The following TMEM45A variants were observed in gnomAD, a reference collection of about 807,000 sequenced individuals.
TMEM45A encodes DNA polymerase-transactivated protein 4.
In TMEM45A, 25 loss-of-function variants were observed where a neutral mutation model predicts 32.0. The observed-to-expected ratio is 0.78, with a 90% CI of 0.57 to 1.09. TMEM45A has a LOEUF of 1.09. TMEM45A is among the 50% of genes least tolerant of loss of function. The probability of loss-of-function intolerance (pLI) is 0.00; values close to 1 mark genes in which losing one functional copy is unlikely to be tolerated. For missense variants in TMEM45A, 302 were observed against 325.0 expected, an observed-to-expected ratio of 0.93 and a Z score of 0.54; for synonymous variants, 122 against 114.8, an observed-to-expected ratio of 1.06 and a Z score of -0.40.
At chr3:100,497,573 G>T (rs1282467181) in intron 1 of TMEM45A, among the ~76,000 whole-genome samples, 1 of 152,016 alleles carries the variant, frequency 6.6e-6, no homozygotes, top group African/African-American at 2.4e-5. Flanking sequence ...CCCTTACTTT[G>T]TCAGCTTCTG....
At chr3:100,551,846 G>A (rs1277468674) in intron 1 of TMEM45A, among the ~76,000 whole-genome samples, 3 of 152,216 alleles carry the variant, frequency 2.0e-5, no homozygotes, top group African/African-American at 7.2e-5. Context: ...TATAACTGAA[G>A]TAGGAAGGAG....
At chr3:100,549,837 C>A (rs549374858) in intron 1 of TMEM45A, among the ~76,000 whole-genome samples, 10 of 151,592 alleles carry the variant, frequency 6.6e-5, no homozygotes, top group Admixed American at 6.6e-4. Context: ...TTTGTTCTTG[C>A]GATAGTTTAC....
chr3:100,518,252 G>T (rs1705341340), intron 1 of TMEM45A, among the ~76,000 whole-genome samples: 1 of 152,216 alleles, frequency 6.6e-6, no homozygotes, highest in Admixed American at 6.5e-5. Context: ...ACAGGAGTGA[G>T]AAATTAGAAT....
chr3:100,495,361 G>A (rs1290296014), intron 1 of TMEM45A, among the ~76,000 whole-genome samples: 1 of 152,216 alleles, frequency 6.6e-6, no homozygotes, highest in Admixed American at 6.5e-5. Flanking sequence ...TAGAGGAGCA[G>A]GAACATTTTA....
At chr3:100,502,769 T>G (rs1469620724) in intron 1 of TMEM45A, among the ~76,000 whole-genome samples, 1 of 152,120 alleles carries the variant, frequency 6.6e-6, no homozygotes, top group Non-Finnish European at 1.5e-5. Context: ...CTGGACCTGG[T>G]CTAAATACTT....
intron 1 of TMEM45A, among the ~76,000 whole-genome samples, chr3:100,518,781 T>G (rs1165823718): frequency 6.6e-6 from 1 of 152,132 alleles, no homozygotes; most frequent in Admixed American, 6.6e-5. Context: ...ATGGTCGGCT[T>G]AGGTTGGCCC....
chr3:100,514,195 T>G (rs2148940309), intron 1 of TMEM45A, among the ~76,000 whole-genome samples: 1 of 152,296 alleles, frequency 6.6e-6, no homozygotes, highest in East Asian at 1.9e-4. Flanking sequence ...AGAACAAAGC[T>G]GGAGGCATCA....
intron 1 of TMEM45A, among the ~76,000 whole-genome samples, chr3:100,513,724 A>G (rs999704625): frequency 6.6e-6 from 1 of 151,968 alleles, no homozygotes; most frequent in African/African-American, 2.4e-5. Flanking sequence ...TATCTAGAAA[A>G]CCCCATCATC....
chr3:100,547,009 A>G (rs972969861), intron 1 of TMEM45A, among the ~76,000 whole-genome samples: 4 of 152,208 alleles, frequency 2.6e-5, no homozygotes, highest in African/African-American at 9.7e-5. Context: ...CCCTTGCAGT[A>G]AAAAATCCAA....
rs1179819428 is a variant in TMEM45A at position 100,577,138 on chromosome 3, T to C, written c.*120T>C. 2 of 712,984 alleles carry C rather than the reference T, an allele frequency of 2.8e-6. No homozygotes were observed. Among genetic ancestry groups the C allele is most frequent in the Non-Finnish European group, 4.5e-6 (2 of 444,810 alleles). 44.2% of individuals were successfully genotyped at this position (712,984 alleles called of 1,614,324 possible). ...TAAGGATGACTCTAAGTGTACTGTTTGCATTTCCAATTTGGTTAAAGTATT... is the reference window on the plus strand; with the variant it reads ...TAAGGATGACTCTAAGTGTACTGTTCGCATTTCCAATTTGGTTAAAGTATT... On this transcript the variant is annotated 3_prime_UTR_variant, in exon 6 of 6. Coordinates refer to ENST00000323523, the MANE Select transcript of TMEM45A (RefSeq NM_018004.3).
intron 2 of TMEM45A, 110 bp downstream of exon 2, chr3:100,555,511 A>G: frequency 8.5e-7 from 1 of 1,179,148 alleles, no homozygotes; most frequent in Non-Finnish European, 1.2e-6. Flanking sequence ...TGATCTCTGA[A>G]AGAATAAACC....
At chr3:100,503,481 C>A (rs1708034934) in intron 1 of TMEM45A, among the ~76,000 whole-genome samples, 2 of 152,158 alleles carry the variant, frequency 1.3e-5, no homozygotes, top group Admixed American at 1.3e-4. Context: ...ATACCTCATC[C>A]ACTTGGGGCA....
chr3:100,557,920 C>T lies in TMEM45A; in HGVS notation c.404-485C>T, dbSNP rs532326475. 2.2e-4 allele frequency among the ~76,000 whole-genome samples: 34 copies of T among 152,298 alleles called. 1 individual carries two copies. In the South Asian group the frequency reaches 7.1e-3, roughly 32 times the overall value. ...AAAATCCACCCGTATGTGTTTGCTT[C>T]CTCCAGTGGACTGAATTCCTTAAGG... On this transcript the variant is annotated intron_variant, in intron 3 of 5. Coordinates refer to ENST00000323523, the MANE Select transcript of TMEM45A (RefSeq NM_018004.3).
At chr3:100,575,367 T>C (rs1420602837) in intron 5 of TMEM45A, among the ~76,000 whole-genome samples, 1 of 123,084 alleles carries the variant, frequency 8.1e-6, no homozygotes, top group African/African-American at 3.9e-5. Context: ...GATTCTCTTT[T>C]TTTTTTTTTT....
At chr3:100,516,307 G>T (rs868100240) in intron 1 of TMEM45A, among the ~76,000 whole-genome samples, 52 of 152,306 alleles carry the variant, frequency 3.4e-4, no homozygotes, top group African/African-American at 1.2e-3. Flanking sequence ...GATGTTAATT[G>T]TGATAAGTGT....
At chr3:100,520,169 G>T (rs993755245) in intron 1 of TMEM45A, among the ~76,000 whole-genome samples, 4 of 152,302 alleles carry the variant, frequency 2.6e-5, no homozygotes, top group Non-Finnish European at 4.4e-5. Flanking sequence ...AAAAGGGAAT[G>T]TGTTACAGGG....
chr3:100,552,451 A>T (rs12634314), intron 1 of TMEM45A, among the ~76,000 whole-genome samples: 64,080 of 152,044 alleles, frequency 0.42, 13,681 homozygotes, highest in Middle Eastern at 0.48. Context: ...GTGATCTCCT[A>T]CCCCTAGAGG....
At chr3:100,524,787 G>A (rs1176823150) in intron 1 of TMEM45A, among the ~76,000 whole-genome samples, 1 of 152,158 alleles carries the variant, frequency 6.6e-6, no homozygotes, top group Non-Finnish European at 1.5e-5. Flanking sequence ...TGACCAGTAA[G>A]CTCACCTTCC....
intron 1 of TMEM45A, among the ~76,000 whole-genome samples, chr3:100,494,751 C>T (rs1023608640): frequency 1.3e-5 from 2 of 152,090 alleles, no homozygotes; most frequent in Non-Finnish European, 2.9e-5. Flanking sequence ...TGCAGAGAAG[C>T]GATGTAAAGA....
Sources: gnomAD v4.1 joint callset for allele counts (sites outside exome capture counted in the v4.1 genomes callset) on GRCh38, gnomAD v4.1.1 for gene constraint, MANE v1.5 for transcripts, NCBI Gene and HGNC (gene_info 2026-07-23, HGNC 2026-07-21) for gene names.